Variants in PCDHGA1 observed in about 807,000 individuals in gnomAD.
PCDHGA1 encodes protocadherin gamma subfamily A, 1.
In PCDHGA1, 32 loss-of-function variants were observed where a neutral mutation model predicts 58.0. That is an observed-to-expected ratio of 0.55 (90% CI 0.42 to 0.74). PCDHGA1 has a LOEUF of 0.74. PCDHGA1 is among the 30% of genes least tolerant of loss of function. The pLI, the probability that PCDHGA1 is intolerant of heterozygous loss-of-function variation, is 0.00. For missense variants in PCDHGA1, 1,205 were observed against 1,182.3 expected, an observed-to-expected ratio of 1.02 and a Z score of -0.28; for synonymous variants, 498 against 501.1, an observed-to-expected ratio of 0.99 and a Z score of 0.08.
At chr5:141,384,811 C>A (rs1273757599) in intron 1 of PCDHGA1, 1 of 1,613,338 alleles carries the variant, frequency 6.2e-7, no homozygotes, top group Admixed American at 1.7e-5. Context: ...CAGAGATGCC[C>A]TCAAGCAGAG....
chr5:141,344,275 G>A, intron 1 of PCDHGA1: 1 of 1,614,110 alleles, frequency 6.2e-7, no homozygotes, highest in South Asian at 1.1e-5. Context: ...AATCCGCAAA[G>A]CGGCAGCTTG....
chr5:141,371,424 G>GC, intron 1 of PCDHGA1: 1 of 1,613,946 alleles, frequency 6.2e-7, no homozygotes. Flanking sequence ...AAATGACAAT[G>GC]CCCCGGAGAT....
intron 1 of PCDHGA1, chr5:141,400,462 G>C: frequency 1.2e-6 from 2 of 1,614,062 alleles, no homozygotes; most frequent in Non-Finnish European, 1.7e-6. Flanking sequence ...ACTTTGTGGT[G>C]ATTCATCTGG....
chr5:141,372,657 T>C, intron 1 of PCDHGA1: 3 of 1,614,048 alleles, frequency 1.9e-6, no homozygotes, highest in Non-Finnish European at 2.5e-6. Context: ...CTACAATCCG[T>C]GTGCTGCCTC....
At chr5:141,497,461 A>G (rs541848982) in intron 2 of PCDHGA1, among the ~76,000 whole-genome samples, 2 of 151,526 alleles carry the variant, frequency 1.3e-5, no homozygotes, top group Admixed American at 1.3e-4. Context: ...GCTCTTGGAG[A>G]TATGGAGGAG....
intron 1 of PCDHGA1, among the ~76,000 whole-genome samples, chr5:141,443,179 A>G (rs2098370392): frequency 6.6e-6 from 1 of 152,190 alleles, no homozygotes; most frequent in South Asian, 2.1e-4. Flanking sequence ...TGTCCACTGC[A>G]TCATTCTCTA....
intron 1 of PCDHGA1, chr5:141,375,175 A>C (rs1771211157): frequency 6.2e-7 from 1 of 1,614,024 alleles, no homozygotes; most frequent in Non-Finnish European, 8.5e-7. Flanking sequence ...CTCCAGGAAC[A>C]GTAATCGCCC....
chr5:141,477,169 G>A lies in PCDHGA1; in HGVS notation c.2422-17638G>A. 6.2e-7 allele frequency: 1 copy of A among 1,614,198 alleles called. No individual in the cohort carries two copies. The highest frequency in any genetic ancestry group is 8.5e-7 in the Non-Finnish European group (1 of 1,180,042). The stretch of plus-strand genomic sequence containing the variant: ...TGGATGTGAATGACAACGCCCCGGA[G>A]ATCACAGTCACCTCCGTGTACAGCC... On this transcript the variant is annotated intron_variant, in intron 1 of 3. Transcript: ENST00000517417. The surrounding 1 kb of genome is among the most constrained non-coding windows in gnomAD (Gnocchi z 4.9).
chr5:141,427,912 A>T (rs1268491054), intron 1 of PCDHGA1: 2 of 1,577,806 alleles, frequency 1.3e-6, no homozygotes, highest in Admixed American at 3.3e-5. Flanking sequence ...CTCAGCGCCA[A>T]CATGAGCCGG....
At chr5:141,346,029 G>A (rs1487000938) in intron 1 of PCDHGA1, 6 of 1,613,402 alleles carry the variant, frequency 3.7e-6, no homozygotes, top group African/African-American at 1.3e-5. Context: ...GGCCGTGGCC[G>A]ACAGGATCCC....
intron 1 of PCDHGA1, chr5:141,399,034 C>T: frequency 6.2e-7 from 1 of 1,613,796 alleles, no homozygotes; most frequent in Non-Finnish European, 8.5e-7. Context: ...TCAAAAGAAA[C>T]TGGATTTTGA....
Position 141,331,427 on chromosome 5 carries a change from A to C in PCDHGA1, c.743A>C (p.His248Pro), listed in dbSNP as rs58894014. The stretch of plus-strand genomic sequence containing the variant: ...CCAGCATTTACTCAGGCACAATACC[A>C]TATAAATGTCCCCGAAAACGTGCCG... ...NPPAFTQAQY[H>P]INVPENVPLG... Residue 248 changes from histidine to proline, a missense_variant, in exon 1 of 4, where the codon CAT becomes CCT. Transcript: ENST00000517417. 2,090 of 1,614,150 alleles carry C rather than the reference A, an allele frequency of 1.3e-3. 25 individuals carry two copies. In the African/African-American group the frequency reaches 0.024, roughly 19 times the overall value.
At chr5:141,338,859 C>T in intron 1 of PCDHGA1, 1 of 1,434,090 alleles carries the variant, frequency 7.0e-7, no homozygotes, top group Non-Finnish European at 9.1e-7. Context: ...CCAGTTCTCT[C>T]CATAGGGACC....
chr5:141,443,317 C>CAAA (rs35054295), intron 1 of PCDHGA1, among the ~76,000 whole-genome samples: 8 of 142,020 alleles, frequency 5.6e-5, no homozygotes, highest in African/African-American at 2.1e-4. Context: ...CCCATCTCTA[C>CAAA]AAAAAAAAAA....
At chr5:141,403,960 G>A (rs775638627) in intron 1 of PCDHGA1, 10 of 1,613,658 alleles carry the variant, frequency 6.2e-6, no homozygotes, top group East Asian at 4.5e-5. Flanking sequence ...TGCTCATTTC[G>A]GTGGAAGATG....
In PCDHGA1 at chr5:141,345,143, C is replaced by A. The variant is rs774990344; in HGVS notation, c.2421+12038C>A. On this transcript the variant is annotated intron_variant, in intron 1 of 3. Coordinates refer to ENST00000517417, the MANE Select transcript of PCDHGA1 (RefSeq NM_018912.3). Reference sequence around the variant, plus strand: ...TTGGAAGAGAAATTGCTCTTATCGACGTGCATGACCGAGATTCTGGGCAGA... The same window carrying A: ...TTGGAAGAGAAATTGCTCTTATCGAAGTGCATGACCGAGATTCTGGGCAGA... 6.2e-7 allele frequency: 1 copy of A among 1,613,872 alleles called. No homozygotes were observed. The highest frequency in any genetic ancestry group is 8.5e-7 in the Non-Finnish European group (1 of 1,179,880).
chr5:141,375,017 T>TC lies in PCDHGA1; in HGVS notation c.2421+41913dup, dbSNP rs772354381. The TC allele has an allele frequency of 6.2e-6, 10 of 1,614,032 alleles. No individual in the cohort carries two copies. The South Asian group carries it at 1.1e-4, about 18-fold the overall frequency. The stretch of plus-strand genomic sequence containing the variant: ...TTCTGCAAATCTAGACTATGAGGAC[T>TC]CGAGTTTTTATGAGCTGGGTGTTGA... On this transcript the variant is annotated intron_variant, in intron 1 of 3. Transcript: ENST00000517417.
chr5:141,502,862 C>T (rs2099816351), intron 2 of PCDHGA1, among the ~76,000 whole-genome samples: 1 of 68,558 alleles, frequency 1.5e-5, no homozygotes, highest in African/African-American at 1.0e-4. Context: ...CCCTGACTCT[C>T]TGTCTTTTTT....
At chr5:141,366,782 G>T in intron 1 of PCDHGA1, 4 of 1,580,298 alleles carry the variant, frequency 2.5e-6, no homozygotes, top group South Asian at 1.2e-5. Flanking sequence ...AGGATGACCA[G>T]AACATTTTCA....
Sources: gnomAD v4.1 joint callset for allele counts (sites outside exome capture counted in the v4.1 genomes callset) on GRCh38, gnomAD v4.1.1 for gene constraint, Gnocchi (gnomAD v3.1) non-coding constraint, MANE v1.5 for transcripts, NCBI Gene and HGNC (gene_info 2026-07-23, HGNC 2026-07-21) for gene names.